RIMBP2: variants seen among roughly 807,000 people sequenced by gnomAD.
The protein encoded by RIMBP2 is RIMS-binding protein 2.
Under a neutral mutation model 118.6 loss-of-function variants are expected in RIMBP2, and 48 were observed. The ratio of observed to expected loss-of-function variants is 0.40; its 90% confidence interval spans 0.32 to 0.51. The LOEUF (loss-of-function observed/expected upper bound fraction) is 0.51, where lower values mean the gene tolerates loss of function less well. RIMBP2 is among the 20% of genes least tolerant of loss of function. RIMBP2 has a pLI of 0.41. For synonymous variants in RIMBP2, 762 were observed against 742.9 expected (o/e 1.03, Z -0.42); for missense variants, 1,551 against 1,768.3 (o/e 0.88, Z 2.20).
chr12:130,483,586 G>C (rs2082208950), intron 4 of RIMBP2, among the ~76,000 whole-genome samples: 1 of 151,458 alleles, frequency 6.6e-6, no homozygotes, highest in Non-Finnish European at 1.5e-5. Context: ...CAGAGACAGA[G>C]CCCCACGCGG....
intron 1 of RIMBP2, among the ~76,000 whole-genome samples, chr12:130,647,231 T>C (rs1450014193): frequency 1.3e-5 from 2 of 152,096 alleles, no homozygotes; most frequent in African/African-American, 4.8e-5. Flanking sequence ...GGCGTGATGG[T>C]GCACACCTGT....
chr12:130,610,803 G>A (rs978024052), intron 2 of RIMBP2, among the ~76,000 whole-genome samples: 17 of 151,768 alleles, frequency 1.1e-4, no homozygotes, highest in African/African-American at 2.4e-4. Context: ...CTCGTGATCC[G>A]CCCGCCTCGG....
intron 5 of RIMBP2, among the ~76,000 whole-genome samples, chr12:130,473,479 C>T (rs1209069200): frequency 1.3e-5 from 2 of 152,132 alleles, no homozygotes; most frequent in African/African-American, 2.4e-5. Context: ...TCCCTGTGGC[C>T]GAAGTGCTGG....
intron 3 of RIMBP2, among the ~76,000 whole-genome samples, chr12:130,513,586 A>G (rs80355417): frequency 1.2e-3 from 181 of 152,270 alleles, no homozygotes; most frequent in African/African-American, 4.1e-3. Context: ...GAAATCAACA[A>G]AAGGTTAGTT....
chr12:130,699,594 G>T (rs2065747735), intron 1 of RIMBP2, among the ~76,000 whole-genome samples: 1 of 119,224 alleles, frequency 8.4e-6, no homozygotes, highest in Non-Finnish European at 1.7e-5. Flanking sequence ...GGGGGGAGGG[G>T]GGAGGGATAG....
intron 15 of RIMBP2, chr12:130,426,286 T>TC (rs1220994532): frequency 6.7e-6 from 1 of 150,246 alleles, no homozygotes; most frequent in African/African-American, 2.5e-5. Flanking sequence ...TTTCTATTTT[T>TC]TTTTTTTTTT....
chr12:130,480,134 G>C (rs940367209), intron 4 of RIMBP2, among the ~76,000 whole-genome samples: 3 of 151,708 alleles, frequency 2.0e-5, no homozygotes, highest in Admixed American at 6.6e-5. Flanking sequence ...GGGTCCCCAA[G>C]CCACTCCTGG....
intron 1 of RIMBP2, among the ~76,000 whole-genome samples, chr12:130,669,502 C>T (rs12582986): frequency 0.031 from 4,654 of 152,158 alleles, 106 homozygotes; most frequent in African/African-American, 0.062. Flanking sequence ...GAAGTTCTCA[C>T]GAGATCTGGT....
At chr12:130,517,292 A>G (rs918835954) in intron 3 of RIMBP2, among the ~76,000 whole-genome samples, 2 of 152,138 alleles carry the variant, frequency 1.3e-5, no homozygotes, top group African/African-American at 4.8e-5. Context: ...TTGGGACCCT[A>G]CAGAGTCCTC....
chr12:130,597,531 A>G (rs1294978055), intron 2 of RIMBP2, among the ~76,000 whole-genome samples: 3 of 152,180 alleles, frequency 2.0e-5, no homozygotes, highest in Non-Finnish European at 2.9e-5. Flanking sequence ...GTGAGCCACC[A>G]TGCCTGGCCA....
intron 2 of RIMBP2, among the ~76,000 whole-genome samples, chr12:130,543,063 G>A (rs1399672272): frequency 2.6e-5 from 4 of 152,154 alleles, no homozygotes; most frequent in Non-Finnish European, 4.4e-5. Flanking sequence ...AACTGAGAAG[G>A]TATGTGCTTG....
At chr12:130,632,960 C>T (rs2062093479) in intron 1 of RIMBP2, among the ~76,000 whole-genome samples, 1 of 152,212 alleles carries the variant, frequency 6.6e-6, no homozygotes. Flanking sequence ...GCCCCATAAA[C>T]ATCTTCCTCA....
intron 2 of RIMBP2, among the ~76,000 whole-genome samples, chr12:130,554,934 G>A (rs1488809801): frequency 4.6e-5 from 7 of 152,206 alleles, no homozygotes. Context: ...TGTCAGGAAA[G>A]GCAACGTTGA....
chr12:130,456,305 C>T (rs771054456), intron 7 of RIMBP2, among the ~76,000 whole-genome samples, 191 bp downstream of exon 7: 30 of 152,128 alleles, frequency 2.0e-4, no homozygotes, highest in Non-Finnish European at 4.1e-4. Flanking sequence ...TGTGGATGCC[C>T]GTGAGGTGCT....
rs570251228 is a variant in RIMBP2, at chr12:130,705,594, G to A, written c.-352+10628C>T. On this transcript the variant is annotated intron_variant, in intron 1 of 22. Coordinates refer to ENST00000690449, the MANE Select transcript of RIMBP2 (RefSeq NM_001393629.1). ...CACTAACGAACAACTCAGCACAGGC[G>A]TTTGCTGTGTTTCTCTGCGGTTCTC... Among the ~76,000 whole-genome samples, 9 of 152,334 alleles carry A rather than the reference G, an allele frequency of 5.9e-5. No homozygotes were observed. The South Asian group carries it at 6.2e-4, about 11-fold the overall frequency.
rs772198675 is a variant in RIMBP2 at position 130,422,445 on chromosome 12, C to A, written c.3238+8G>T. On this transcript the variant is annotated splice_region_variant and intron_variant, in intron 17 of 22. Transcript: ENST00000690449. The surrounding 1 kb of genome is among the most constrained non-coding windows in gnomAD (Gnocchi z 5.2). ...GAAAGACACAACAGCGATGATGGGG[C>A]CACTAACCGATGGATGGGACTGTCA... The A allele has an allele frequency of 6.3e-7, 1 of 1,588,566 alleles. No homozygotes were observed. The highest frequency in any genetic ancestry group is 8.6e-7 in the Non-Finnish European group (1 of 1,158,234).
intron 4 of RIMBP2, among the ~76,000 whole-genome samples, chr12:130,480,144 G>A (rs982487249): frequency 6.6e-6 from 1 of 151,758 alleles, no homozygotes; most frequent in African/African-American, 2.4e-5. Flanking sequence ...GCCACTCCTG[G>A]GGGCTTGGAA....
At chr12:130,656,503 C>A (rs2063434478) in intron 1 of RIMBP2, among the ~76,000 whole-genome samples, 2 of 152,138 alleles carry the variant, frequency 1.3e-5, no homozygotes, top group Admixed American at 1.3e-4. Context: ...CCTCTCTCAG[C>A]TCTGGAGGCT....
At chr12:130,545,556 G>A (rs2055042157) in intron 2 of RIMBP2, among the ~76,000 whole-genome samples, 1 of 152,116 alleles carries the variant, frequency 6.6e-6, no homozygotes, top group Non-Finnish European at 1.5e-5. Flanking sequence ...TAACGTGGCT[G>A]CTCAAAAATG....
Sources: gnomAD v4.1 joint callset for allele counts (sites outside exome capture counted in the v4.1 genomes callset) on GRCh38, gnomAD v4.1.1 for gene constraint, Gnocchi (gnomAD v3.1) non-coding constraint, MANE v1.5 for transcripts, NCBI Gene and HGNC (gene_info 2026-07-23, HGNC 2026-07-21) for gene names.